CDH13: variants seen among roughly 807,000 people sequenced by gnomAD.
The protein encoded by CDH13 is cadherin-13.
Under a neutral mutation model 63.8 loss-of-function variants are expected in CDH13, and 24 were observed. The observed-to-expected ratio is 0.38, with a 90% CI of 0.27 to 0.53. The LOEUF (loss-of-function observed/expected upper bound fraction) is 0.53, where lower values mean the gene tolerates loss of function less well. Among genes scored for constraint, CDH13 ranks in the 20% least tolerant of loss-of-function variants. The probability of loss-of-function intolerance (pLI) is 0.85; values close to 1 mark genes in which losing one functional copy is unlikely to be tolerated. For missense variants in CDH13, 1,049 were observed against 903.1 expected (o/e 1.16, Z -2.07); for synonymous variants, 503 against 355.3 (o/e 1.42, Z -4.67).
chr16:83,163,963 C>T (rs1277938827), intron 4 of CDH13, among the ~76,000 whole-genome samples: 1 of 152,062 alleles, frequency 6.6e-6, no homozygotes, highest in Non-Finnish European at 1.5e-5. Flanking sequence ...AAAACCTTAC[C>T]GTGTGCTGAA....
chr16:82,862,406 T>C lies in CDH13; in HGVS notation c.157+3933T>C, dbSNP rs374136354. On this transcript the variant is annotated intron_variant, in intron 2 of 13. Transcript: ENST00000567109. Reference sequence around the variant, plus strand: ...CTTTGATACCATCAGCTCAGACAGATTTTTTCCAGCAAATGGAAAAATGTG... The same window carrying C: ...CTTTGATACCATCAGCTCAGACAGACTTTTTCCAGCAAATGGAAAAATGTG... Among the ~76,000 whole-genome samples, 647 of 152,302 alleles carry C rather than the reference T, an allele frequency of 4.2e-3. 2 individuals are homozygous for C. Among genetic ancestry groups the C allele is most frequent in the African/African-American group, 9.2e-3 (384 of 41,562 alleles).
chr16:82,845,811 G>A (rs1002982001), intron 1 of CDH13, among the ~76,000 whole-genome samples: 5 of 152,150 alleles, frequency 3.3e-5, no homozygotes, highest in Admixed American at 2.0e-4. Context: ...CCCTGAGCAG[G>A]CACATCCTCT....
chr16:82,677,239 A>AGGTC (rs1914032858), intron 1 of CDH13, among the ~76,000 whole-genome samples: 2 of 152,272 alleles, frequency 1.3e-5, no homozygotes, highest in East Asian at 3.9e-4. Context: ...AGACTCATTC[A>AGGTC]TCCTTTGTAT....
intron 1 of CDH13, among the ~76,000 whole-genome samples, chr16:82,854,741 T>C (rs1274795018): frequency 6.6e-6 from 1 of 152,244 alleles, no homozygotes; most frequent in Non-Finnish European, 1.5e-5. Flanking sequence ...TAGACTTCCC[T>C]ATACCCCAAC....
At chr16:83,338,544 C>G (rs1367785297) in intron 5 of CDH13, among the ~76,000 whole-genome samples, 1 of 152,238 alleles carries the variant, frequency 6.6e-6, no homozygotes. Context: ...ATTGAATTAT[C>G]ACACCAATAG....
At chr16:83,138,975 C>G (rs151297153) in intron 4 of CDH13, among the ~76,000 whole-genome samples, 1 of 152,090 alleles carries the variant, frequency 6.6e-6, no homozygotes, top group African/African-American at 2.4e-5. Flanking sequence ...CATTATGCCT[C>G]TATAGGACGC....
At chr16:83,550,569 C>A (rs545892030) in intron 7 of CDH13, among the ~76,000 whole-genome samples, 1 of 152,276 alleles carries the variant, frequency 6.6e-6, no homozygotes, top group South Asian at 2.1e-4. Flanking sequence ...TGCAAACCAG[C>A]ATGGTGGGGG....
At chr16:82,834,030 A>G (rs2038659063) in intron 1 of CDH13, among the ~76,000 whole-genome samples, 1 of 152,232 alleles carries the variant, frequency 6.6e-6, no homozygotes, top group South Asian at 2.1e-4. Context: ...TTTTTAATAA[A>G]TAATAATTTT....
intron 5 of CDH13, among the ~76,000 whole-genome samples, chr16:83,240,777 G>T (rs1904365790): frequency 8.5e-6 from 1 of 117,652 alleles, no homozygotes; most frequent in African/African-American, 3.2e-5. Context: ...GTCCAAGCTG[G>T]CTTCTAACTC....
chr16:82,982,736 A>G (rs1399910980), intron 2 of CDH13, among the ~76,000 whole-genome samples: 1 of 152,212 alleles, frequency 6.6e-6, no homozygotes, highest in Non-Finnish European at 1.5e-5. Flanking sequence ...AAATACAAGT[A>G]AACGCATCAC....
intron 6 of CDH13, among the ~76,000 whole-genome samples, chr16:83,484,826 T>A (rs796524143): frequency 4.6e-5 from 7 of 152,296 alleles, no homozygotes; most frequent in African/African-American, 1.4e-4. Context: ...CCCCTGTGGG[T>A]AAGGAAAGTT....
chr16:83,254,952 TTTCTTTC>T (rs1567542187), intron 5 of CDH13, among the ~76,000 whole-genome samples: 1,885 of 145,600 alleles, frequency 0.013, 85 homozygotes, highest in African/African-American at 0.041. Context: ...TCTTTTTCTC[TTTCTTTC>T]TTTCTTTCTT....
At chr16:83,356,863 T>A (rs778269172) in intron 6 of CDH13, among the ~76,000 whole-genome samples, 7 of 152,208 alleles carry the variant, frequency 4.6e-5, no homozygotes, top group Non-Finnish European at 8.8e-5. Context: ...GTGCATTTTT[T>A]AAAAACCAAG....
chr16:82,702,377 C>A (rs1259752512), intron 1 of CDH13, among the ~76,000 whole-genome samples: 2 of 152,182 alleles, frequency 1.3e-5, no homozygotes, highest in Non-Finnish European at 2.9e-5. Flanking sequence ...ATGATCCCAC[C>A]TCCCCTGCTA....
At chr16:82,910,522 C>G (rs1160247026) in intron 2 of CDH13, among the ~76,000 whole-genome samples, 4 of 152,126 alleles carry the variant, frequency 2.6e-5, no homozygotes, top group Non-Finnish European at 4.4e-5. Context: ...CTTGAACTCC[C>G]TGGAGTCAAC....
At chr16:83,030,985 A>G (rs532857468) in intron 2 of CDH13, among the ~76,000 whole-genome samples, 1 of 151,944 alleles carries the variant, frequency 6.6e-6, no homozygotes, top group African/African-American at 2.4e-5. Flanking sequence ...AAGTAAATTA[A>G]GGAGCTGTTT....
chr16:82,927,358 T>C (rs890410607), intron 2 of CDH13, among the ~76,000 whole-genome samples: 3 of 152,182 alleles, frequency 2.0e-5, no homozygotes, highest in Non-Finnish European at 2.9e-5. Flanking sequence ...TGTAATATGA[T>C]GGCTATTTTG....
chr16:82,805,521 C>T (rs1168587083), intron 1 of CDH13, among the ~76,000 whole-genome samples: 3 of 152,054 alleles, frequency 2.0e-5, no homozygotes, highest in African/African-American at 7.2e-5. Context: ...GTTCGGGGGC[C>T]TATATGGAAC....
At chr16:82,839,386 T>A (rs767626987) in intron 1 of CDH13, among the ~76,000 whole-genome samples, 17 of 152,190 alleles carry the variant, frequency 1.1e-4, no homozygotes, top group Non-Finnish European at 2.1e-4. Context: ...CCTGCGTCCA[T>A]CTCTTGTCAC....
Sources: gnomAD v4.1 joint callset for allele counts (sites outside exome capture counted in the v4.1 genomes callset) on GRCh38, gnomAD v4.1.1 for gene constraint, MANE v1.5 for transcripts, NCBI Gene and HGNC (gene_info 2026-07-23, HGNC 2026-07-21) for gene names.